CALN1: variants seen among roughly 807,000 people sequenced by gnomAD.
CALN1 encodes calcium-binding protein 8.
CALN1 carries 17 observed loss-of-function variants against 30.6 expected under a neutral mutation model. That is an observed-to-expected ratio of 0.56 (90% CI 0.38 to 0.83). The LOEUF is 0.83. Ranked by LOEUF, CALN1 falls within the 40% of genes least tolerant of loss-of-function variation. The pLI is 0.00. For missense variants in CALN1, 291 were observed against 354.9 expected (o/e 0.82, Z 1.45); for synonymous variants, 156 against 131.4 (o/e 1.19, Z -1.28).
chr7:71,975,144 A>G (rs1798042354), intron 5 of CALN1, among the ~76,000 whole-genome samples: 1 of 152,134 alleles, frequency 6.6e-6, no homozygotes, highest in Admixed American at 6.5e-5. Context: ...GGGCAAACCC[A>G]TCCCAGCAAA....
intron 5 of CALN1, among the ~76,000 whole-genome samples, chr7:71,880,897 C>T (rs969948775): frequency 6.6e-6 from 1 of 152,056 alleles, no homozygotes; most frequent in Non-Finnish European, 1.5e-5. Flanking sequence ...TTTGGATTGA[C>T]GCATGCAAAG....
In CALN1 at chr7:71,903,512, G is replaced by A. The variant is rs147260202; in HGVS notation, c.502-93020C>T. Among the ~76,000 whole-genome samples the A allele has an allele frequency of 3.0e-4, 46 of 152,212 alleles. No individual in the cohort carries two copies. In the East Asian group the frequency reaches 8.1e-3, roughly 27 times the overall value. On this transcript the variant is annotated intron_variant, in intron 5 of 6. Transcript: ENST00000395275. ...ACTGGATATCTAAATGCAGAAGACC[G>A]AAATTAGAACTTTATCTCACATCTT...
Position 72,294,615 on chromosome 7 carries a change from G to C in CALN1, c.120-15805C>G, listed in dbSNP as rs572970854. Among the ~76,000 whole-genome samples, 4 of 152,024 alleles carry C rather than the reference G, an allele frequency of 2.6e-5. No homozygotes were observed. In the East Asian group the frequency reaches 7.7e-4, roughly 29 times the overall value. On this transcript the variant is annotated intron_variant, in intron 2 of 6. Coordinates refer to ENST00000395275, the MANE Select transcript of CALN1 (RefSeq NM_031468.4). Reference sequence around the variant, plus strand: ...AAATTTAGAAATAGCCTAGCGTGGTGGTGCGCACCTGTAGTCTCAGCTACT... The same window carrying C: ...AAATTTAGAAATAGCCTAGCGTGGTCGTGCGCACCTGTAGTCTCAGCTACT...
chr7:72,438,822 G>A (rs999069019), intron 1 of CALN1, among the ~76,000 whole-genome samples: 24 of 152,004 alleles, frequency 1.6e-4, no homozygotes, highest in Admixed American at 1.0e-3. Flanking sequence ...GCCACTCTTC[G>A]CCTTAGCTTA....
chr7:72,368,294 TCA>T (rs57475579), intron 2 of CALN1, among the ~76,000 whole-genome samples: 6,775 of 151,068 alleles, frequency 0.045, 181 homozygotes, highest in South Asian at 0.081. Context: ...GTAGATATAT[TCA>T]GTTTGTGGAA....
At chr7:72,411,411 G>A (rs1443296894) in intron 1 of CALN1, among the ~76,000 whole-genome samples, 1 of 152,172 alleles carries the variant, frequency 6.6e-6, no homozygotes, top group Admixed American at 6.5e-5. Context: ...CTATGTTAGA[G>A]AAAAGAGCTG....
At chr7:71,885,725 CAAAT>C (rs1331515571) in intron 5 of CALN1, among the ~76,000 whole-genome samples, 1 of 152,184 alleles carries the variant, frequency 6.6e-6, no homozygotes, top group East Asian at 1.9e-4. Flanking sequence ...ACAAACCAAA[CAAAT>C]AAACAAGAGT....
intron 2 of CALN1, among the ~76,000 whole-genome samples, chr7:72,367,842 T>A (rs1030517553): frequency 6.6e-6 from 1 of 151,618 alleles, no homozygotes; most frequent in Non-Finnish European, 1.5e-5. Context: ...CTGTTAAAAA[T>A]ATATATATAG....
chr7:72,007,416 G>A (rs572340318), intron 5 of CALN1, among the ~76,000 whole-genome samples: 16 of 152,062 alleles, frequency 1.1e-4, no homozygotes, highest in Non-Finnish European at 1.5e-4. Flanking sequence ...GTATGGTGGC[G>A]GGCACCTGTA....
chr7:72,339,954 T>C (rs1484328654), intron 2 of CALN1, among the ~76,000 whole-genome samples: 1 of 152,148 alleles, frequency 6.6e-6, no homozygotes, highest in African/African-American at 2.4e-5. Flanking sequence ...AACCATTCCC[T>C]ATAGTCTATC....
chr7:71,973,660 C>T lies in CALN1; in HGVS notation c.501+49997G>A, dbSNP rs887493102. 2.6e-5 allele frequency among the ~76,000 whole-genome samples: 4 copies of T among 151,624 alleles called. No individual in the cohort carries two copies. The South Asian group carries it at 6.2e-4, about 24-fold the overall frequency. ...AGAGACGTGTTTATGAACTGTAAACCCTCATTAAGAATTTTAGATTTGGCA... is the reference window on the plus strand; with the variant it reads ...AGAGACGTGTTTATGAACTGTAAACTCTCATTAAGAATTTTAGATTTGGCA... On this transcript the variant is annotated intron_variant, in intron 5 of 6. Transcript: ENST00000395275.
the CALN1 span, among the ~76,000 whole-genome samples, chr7:72,489,561 T>A: frequency 6.6e-6 from 1 of 152,184 alleles, no homozygotes; most frequent in African/African-American, 2.4e-5. Flanking sequence ...GAACTCATGT[T>A]GTTTCTTGAC....
At chr7:71,877,988 C>A (rs1307827421) in intron 5 of CALN1, among the ~76,000 whole-genome samples, 2 of 152,116 alleles carry the variant, frequency 1.3e-5, no homozygotes, top group Non-Finnish European at 2.9e-5. Context: ...CAGGCCTCAC[C>A]CAGAATTTCT....
At chr7:71,813,599 C>T (rs1010230668) in intron 5 of CALN1, among the ~76,000 whole-genome samples, 1 of 152,124 alleles carries the variant, frequency 6.6e-6, no homozygotes, top group Non-Finnish European at 1.5e-5. Flanking sequence ...AGCCAACAAT[C>T]TTGGATTAAA....
chr7:72,164,882 A>G (rs975974896), intron 3 of CALN1, among the ~76,000 whole-genome samples: 1 of 152,022 alleles, frequency 6.6e-6, no homozygotes, highest in South Asian at 2.1e-4. Context: ...TTTTGTAGAG[A>G]CAGGGTCTCG....
intron 3 of CALN1, among the ~76,000 whole-genome samples, chr7:72,127,908 A>G (rs527410736): frequency 6.6e-6 from 1 of 152,266 alleles, no homozygotes; most frequent in East Asian, 1.9e-4. Context: ...AGCTAGAGAG[A>G]GAGACTGATG....
chr7:72,073,578 T>C (rs1221785380), intron 4 of CALN1, among the ~76,000 whole-genome samples: 1 of 151,916 alleles, frequency 6.6e-6, no homozygotes, highest in Non-Finnish European at 1.5e-5. Context: ...AATAAAAGTG[T>C]TTATCTGTGT....
chr7:71,970,102 G>A (rs1797721266), intron 5 of CALN1, among the ~76,000 whole-genome samples: 1 of 152,020 alleles, frequency 6.6e-6, no homozygotes, highest in Non-Finnish European at 1.5e-5. Context: ...TCCTGCCTTG[G>A]CCTCCGAAAG....
chr7:72,258,268 G>A lies in CALN1; in HGVS notation c.244+20418C>T, dbSNP rs118105652. On this transcript the variant is annotated intron_variant, in intron 3 of 6. Coordinates refer to ENST00000395275, the MANE Select transcript of CALN1 (RefSeq NM_031468.4). ...ATCCATGGGGCAGCCCTAATTATAG[G>A]CAGGCAATCTTTGATTTCCTGCAGT... Among the ~76,000 whole-genome samples, 1,341 of 152,222 alleles carry A rather than the reference G, an allele frequency of 8.8e-3. 9 individuals are homozygous for A. The highest frequency in any genetic ancestry group is 0.017 in the Middle Eastern group (5 of 294).
Sources: gnomAD v4.1 joint callset for allele counts (sites outside exome capture counted in the v4.1 genomes callset) on GRCh38, gnomAD v4.1.1 for gene constraint, MANE v1.5 for transcripts, NCBI Gene and HGNC (gene_info 2026-07-23, HGNC 2026-07-21) for gene names.